The following HK1 variants were observed in gnomAD, a reference collection of about 807,000 sequenced individuals.
HK1 encodes the protein hexokinase 1, also known as hexokinase-1.
A neutral mutation model predicts 91.6 loss-of-function variants in HK1; 28 were observed. That is an observed-to-expected ratio of 0.31 (90% CI 0.23 to 0.42). The LOEUF is 0.42. HK1 is among the 10% of genes least tolerant of loss of function. The probability of loss-of-function intolerance (pLI) is 1.00; values close to 1 mark genes in which losing one functional copy is unlikely to be tolerated. For missense variants in HK1, 770 were observed against 1,219.8 expected (o/e 0.63, Z 5.49); for synonymous variants, 430 against 468.1 (o/e 0.92, Z 1.05).
chr10:69,321,491 TC>T lies in HK1; in HGVS notation c.63+2488del, dbSNP rs1239109429. ...CCAGCAGGGACCTGCTGAGGATGGTTCCCCCCCAGCGTGGGCAGCCATGATG... is the reference window on the plus strand; with the variant it reads ...CCAGCAGGGACCTGCTGAGGATGGTTCCCCCCAGCGTGGGCAGCCATGATG... On this transcript the variant is annotated intron_variant, in intron 1 of 17. Transcript: ENST00000359426. Among the ~76,000 whole-genome samples, 6 of 152,156 alleles carry T rather than the reference TC, an allele frequency of 3.9e-5. No individual in the cohort carries two copies. In the East Asian group the frequency reaches 9.7e-4, roughly 25 times the overall value.
At chr10:69,389,344 T>A (rs1014531634) in intron 14 of HK1, 48 bp downstream of exon 14, 22 of 1,413,054 alleles carry the variant, frequency 1.6e-5, no homozygotes, top group African/African-American at 2.8e-5. Context: ...AAGGCTGGGG[T>A]TTCCCCGTTT....
intron 4 of HK1, among the ~76,000 whole-genome samples, chr10:69,299,716 C>T (rs780861176): frequency 1.3e-5 from 2 of 150,710 alleles, no homozygotes; most frequent in African/African-American, 4.9e-5. Flanking sequence ...GGCTGGAGTG[C>T]AGTGGCGCAA....
intron 4 of HK1, among the ~76,000 whole-genome samples, chr10:69,297,720 C>T (rs941966682): frequency 1.3e-5 from 2 of 148,798 alleles, no homozygotes; most frequent in Admixed American, 6.6e-5. Context: ...CACGGTAAAA[C>T]CCCATCTCTA....
At chr10:69,360,436 C>T (rs962106458) in intron 3 of HK1, among the ~76,000 whole-genome samples, 6 of 152,224 alleles carry the variant, frequency 3.9e-5, no homozygotes, top group African/African-American at 1.4e-4. Context: ...TTGGCCTCAC[C>T]CACTTACTGG....
chr10:69,400,171 A>G (rs12244847), intron 17 of HK1, among the ~76,000 whole-genome samples: 8,501 of 152,270 alleles, frequency 0.056, 702 homozygotes, highest in African/African-American at 0.18. Flanking sequence ...GAGCTGTAAA[A>G]TATGGGGCAC....
intron 16 of HK1, among the ~76,000 whole-genome samples, chr10:69,396,083 T>G (rs4746851): frequency 0.58 from 87,959 of 151,488 alleles, 25,924 homozygotes; most frequent in South Asian, 0.67. Flanking sequence ...ACCAGCCTGG[T>G]TAACATGGCA....
chr10:69,289,943 A>C (rs1845221495), intron 3 of HK1, among the ~76,000 whole-genome samples: 1 of 152,000 alleles, frequency 6.6e-6, no homozygotes. Flanking sequence ...TTACATCTTA[A>C]AGAGCTTTGA....
upstream of HK1, among the ~76,000 whole-genome samples, chr10:69,311,602 A>G (rs1846381727): frequency 6.6e-6 from 1 of 152,168 alleles, no homozygotes; most frequent in East Asian, 1.9e-4. Flanking sequence ...GAAGGCCTCA[A>G]CAATCTGGTT....
chr10:69,276,717 A>G (rs576290520), intron 1 of HK1, among the ~76,000 whole-genome samples: 232 of 150,650 alleles, frequency 1.5e-3, no homozygotes, highest in Non-Finnish European at 2.9e-3. Context: ...AAATTATTTA[A>G]TTATTAATTA....
intron 2 of HK1, among the ~76,000 whole-genome samples, chr10:69,357,984 A>C (rs1849216616): frequency 6.6e-6 from 1 of 152,200 alleles, no homozygotes. Context: ...AAATGGGTGA[A>C]TTATATGGTA....
At chr10:69,367,037 C>G (rs1849740684) in intron 4 of HK1, among the ~76,000 whole-genome samples, 1 of 152,194 alleles carries the variant, frequency 6.6e-6, no homozygotes, top group African/African-American at 2.4e-5. Flanking sequence ...CAGATGTAGC[C>G]TGTTCCCCAT....
chr10:69,313,882 G>A (rs955729613), upstream of HK1, among the ~76,000 whole-genome samples: 1 of 152,060 alleles, frequency 6.6e-6, no homozygotes, highest in Admixed American at 6.6e-5. Context: ...AAATGTTACA[G>A]GCCACAGTTT....
chr10:69,338,265 G>A (rs1848100206), intron 1 of HK1: 1 of 1,160,686 alleles, frequency 8.6e-7, no homozygotes, highest in Non-Finnish European at 1.1e-6. Flanking sequence ...TTCACTCTGG[G>A]CAGCGGTGGA....
At chr10:69,291,522 G>A (rs780639669) in intron 3 of HK1, among the ~76,000 whole-genome samples, 21 of 152,250 alleles carry the variant, frequency 1.4e-4, no homozygotes, top group Non-Finnish European at 2.8e-4. Flanking sequence ...TTTACAGATG[G>A]GGAAACTGAG....
intron 12 of HK1, 107 bp from the exon 13 acceptor site, chr10:69,386,216 G>A (rs1024005679): frequency 1.3e-5 from 11 of 827,390 alleles, no homozygotes; most frequent in Non-Finnish European, 2.3e-5. Flanking sequence ...CGTCTCCGAT[G>A]TTGTAAGCCC....
chr10:69,382,834 C>G (rs768177700), intron 10 of HK1, 43 bp downstream of exon 10: 10 of 1,593,978 alleles, frequency 6.3e-6, no homozygotes, highest in Non-Finnish European at 7.7e-6. Context: ...CTGCTCCTGC[C>G]AGGAACTGAG....
intron 5 of HK1, chr10:69,300,909 A>G: frequency 1.0e-6 from 1 of 962,530 alleles, no homozygotes; most frequent in Non-Finnish European, 1.7e-6. Flanking sequence ...TAGAACTAAT[A>G]AACAATTTCA....
At position 69,368,522 on chromosome 10, in the gene HK1, ATTC is replaced by A. The variant is rs768212318; in HGVS notation, c.496-8_496-6del. On this transcript the variant is annotated splice_polypyrimidine_tract_variant and intron_variant, in intron 4 of 17. Coordinates refer to ENST00000359426, the MANE Select transcript of HK1 (RefSeq NM_000188.3). The stretch of plus-strand genomic sequence containing the variant: ...TCCCAGCCCTCATCCAGCCCCATCC[ATTC>A]TTCTTTGCAGGCCATCCTGATCACC... The A allele has an allele frequency of 2.4e-5, 38 of 1,612,642 alleles. 1 individual carries two copies. In the South Asian group the frequency reaches 3.6e-4, roughly 15 times the overall value.
intron 1 of HK1, among the ~76,000 whole-genome samples, chr10:69,280,640 C>G (rs1036162004): frequency 2.0e-5 from 3 of 152,184 alleles, no homozygotes; most frequent in African/African-American, 7.2e-5. Context: ...AGCTTGTCTG[C>G]CCCTTCTACC....
Sources: gnomAD v4.1 joint callset for allele counts (sites outside exome capture counted in the v4.1 genomes callset) on GRCh38, gnomAD v4.1.1 for gene constraint, MANE v1.5 for transcripts, NCBI Gene and HGNC (gene_info 2026-07-23, HGNC 2026-07-21) for gene names.